The following SGCG variants were observed in gnomAD, a reference collection of about 807,000 sequenced individuals.
SGCG encodes sarcoglycan gamma.
Under a neutral mutation model 29.3 loss-of-function variants are expected in SGCG, and 26 were observed. The observed-to-expected ratio is 0.89, with a 90% CI of 0.65 to 1.23. SGCG has a LOEUF of 1.23. Ranked by LOEUF, SGCG falls within the 50% of genes most tolerant of loss-of-function variation. The pLI, the probability that SGCG is intolerant of heterozygous loss-of-function variation, is 0.00. For synonymous variants in SGCG, 145 were observed against 129.7 expected (o/e 1.12, Z -0.80); for missense variants, 353 against 356.0 (o/e 0.99, Z 0.07).
chr13:23,231,239 GA>G (rs1675170878), intron 2 of SGCG, among the ~76,000 whole-genome samples: 1 of 151,898 alleles, frequency 6.6e-6, no homozygotes, highest in African/African-American at 2.4e-5. Flanking sequence ...ATATAGAACT[GA>G]AGTTTTCTTT....
chr13:23,255,665 A>G (rs1566019139), intron 4 of SGCG, among the ~76,000 whole-genome samples: 2 of 152,290 alleles, frequency 1.3e-5, no homozygotes, highest in South Asian at 4.1e-4. Context: ...CCCCTTGGTC[A>G]TGAGTAAGTT....
chr13:23,321,356 C>A (rs540125311), intron 7 of SGCG, among the ~76,000 whole-genome samples: 25 of 152,252 alleles, frequency 1.6e-4, no homozygotes, highest in African/African-American at 5.8e-4. Context: ...ACCCTGTATA[C>A]ACTATCTGTT....
At chr13:23,171,647 G>A in the SGCG span, among the ~76,000 whole-genome samples, 3 of 152,152 alleles carry the variant, frequency 2.0e-5, no homozygotes, top group Admixed American at 6.5e-5. Context: ...GGAGGACATA[G>A]GGGATGGTTT....
intron 2 of SGCG, among the ~76,000 whole-genome samples, chr13:23,207,386 A>C (rs529483515): frequency 1.3e-5 from 2 of 152,338 alleles, no homozygotes; most frequent in African/African-American, 4.8e-5. Context: ...CATTTGGGGA[A>C]AAGCTTCATG....
rs548410532 is a variant in SGCG, at chr13:23,185,900, C to T, written c.-1+4825C>T. ...GAAGGGTGATGGGCGTGACATAGCA[C>T]GAGTCCACCCCTCGCATCACTCAGA... On this transcript the variant is annotated intron_variant, in intron 1 of 7. Transcript: ENST00000218867. Among the ~76,000 whole-genome samples the T allele has an allele frequency of 7.0e-4, 106 of 152,296 alleles. 4 individuals are homozygous for T. The South Asian group carries it at 0.021, about 30-fold the overall frequency.
intron 4 of SGCG, among the ~76,000 whole-genome samples, chr13:23,251,189 C>T (rs993696316): frequency 1.3e-5 from 2 of 152,220 alleles, no homozygotes; most frequent in East Asian, 1.9e-4. Flanking sequence ...TATCACTTCT[C>T]ACTGTACAGA....
chr13:23,270,241 A>G (rs1392238704), intron 4 of SGCG, among the ~76,000 whole-genome samples: 2 of 152,278 alleles, frequency 1.3e-5, no homozygotes, highest in South Asian at 2.1e-4. Context: ...ATATGTACAT[A>G]CTTAGTTTTG....
At position 23,188,494 on chromosome 13, in the gene SGCG, T is replaced by G. The variant is rs762442733; in HGVS notation, c.-1+7419T>G. ...GCGCCTGCCTAATTTTTTTTTTTTT[T>G]TTTTTTTTGGGACAGGTATTCACCA... On this transcript the variant is annotated intron_variant, in intron 1 of 7. Coordinates refer to ENST00000218867, the MANE Select transcript of SGCG (RefSeq NM_000231.3). Among the ~76,000 whole-genome samples the G allele has an allele frequency of 7.9e-3, 1,122 of 142,796 alleles. 14 individuals carry two copies. Among genetic ancestry groups the G allele is most frequent in the Non-Finnish European group, 0.011 (724 of 63,354 alleles). The allele number at this position is 142,796 out of a possible 152,430, so 93.7% of individuals were successfully genotyped here. A position where few individuals can be genotyped will look rare whatever the true frequency, so the allele number is the denominator to read the frequency against.
chr13:23,289,089 AG>A (rs1362053918), intron 5 of SGCG, among the ~76,000 whole-genome samples: 9 of 152,238 alleles, frequency 5.9e-5, no homozygotes, highest in African/African-American at 1.9e-4. Context: ...AAAATAAACA[AG>A]GATGTTAAGT....
At chr13:23,319,527 T>C (rs1189683310) in intron 6 of SGCG, among the ~76,000 whole-genome samples, 1 of 152,256 alleles carries the variant, frequency 6.6e-6, no homozygotes, top group South Asian at 2.1e-4. Context: ...TAAAAAAAAC[T>C]TGCCAATTCA....
At chr13:23,194,181 A>G (rs909442932) in intron 1 of SGCG, among the ~76,000 whole-genome samples, 3 of 152,206 alleles carry the variant, frequency 2.0e-5, no homozygotes, top group Non-Finnish European at 2.9e-5. Flanking sequence ...TTCTATCTAA[A>G]GATTTGCCTG....
At position 23,196,248 on chromosome 13, in the gene SGCG, G is replaced by A. The variant is rs535639429; in HGVS notation, c.1-7447G>A. Reference sequence around the variant, plus strand: ...CAGTTTTGCCCCAGTACAGATAATGGTAAATTAAAGATCTTTAGGCACAAA... The same window carrying A: ...CAGTTTTGCCCCAGTACAGATAATGATAAATTAAAGATCTTTAGGCACAAA... On this transcript the variant is annotated intron_variant, in intron 1 of 7. Coordinates refer to ENST00000218867, the MANE Select transcript of SGCG (RefSeq NM_000231.3). 8.1e-4 allele frequency among the ~76,000 whole-genome samples: 124 copies of A among 152,184 alleles called. 2 individuals carry two copies. In the Middle Eastern group the frequency reaches 0.02, roughly 25 times the overall value.
At chr13:23,239,128 C>T (rs960919131) in intron 3 of SGCG, among the ~76,000 whole-genome samples, 1 of 151,560 alleles carries the variant, frequency 6.6e-6, no homozygotes, top group Non-Finnish European at 1.5e-5. Context: ...TTCAATGAAC[C>T]CCAAACAAAA....
chr13:23,226,223 A>G (rs534110146), intron 2 of SGCG, among the ~76,000 whole-genome samples: 1 of 152,364 alleles, frequency 6.6e-6, no homozygotes, highest in Admixed American at 6.5e-5. Flanking sequence ...TGCTGCTTAT[A>G]AGAGACAGTT....
chr13:23,306,238 T>A (rs1882356806), intron 6 of SGCG, among the ~76,000 whole-genome samples: 1 of 152,170 alleles, frequency 6.6e-6, no homozygotes, highest in Non-Finnish European at 1.5e-5. Flanking sequence ...TCATTTTCAA[T>A]GTTCTGGAAT....
At chr13:23,238,563 A>G (rs1204078270) in intron 3 of SGCG, among the ~76,000 whole-genome samples, 2 of 152,198 alleles carry the variant, frequency 1.3e-5, no homozygotes, top group African/African-American at 4.8e-5. Flanking sequence ...GTGGTACAAG[A>G]TCAACACTAG....
chr13:23,199,597 A>G (rs931871129), intron 1 of SGCG, among the ~76,000 whole-genome samples: 8 of 152,236 alleles, frequency 5.3e-5, no homozygotes, highest in African/African-American at 1.9e-4. Context: ...ATTTAAATTG[A>G]GTGTTTCACC....
upstream of SGCG, among the ~76,000 whole-genome samples, chr13:23,179,542 C>A (rs539235446): frequency 6.6e-6 from 1 of 152,146 alleles, no homozygotes; most frequent in Non-Finnish European, 1.5e-5. Context: ...TACACTCATA[C>A]AAAAATACAT....
At chr13:23,179,986 GC>G (rs764474596), upstream of SGCG, among the ~76,000 whole-genome samples, 1 of 151,988 alleles carries the variant, frequency 6.6e-6, no homozygotes, top group Non-Finnish European at 1.5e-5. Context: ...CAGGTAGTAA[GC>G]CCAGTACCCG....
Sources: allele counts gnomAD v4.1 joint callset (sites outside exome capture counted in the v4.1 genomes callset), GRCh38; gene constraint gnomAD v4.1.1; transcripts MANE v1.5; gene names NCBI Gene and HGNC (gene_info 2026-07-23, HGNC 2026-07-21).